The following DCBLD2 variants were observed in gnomAD, a reference collection of about 807,000 sequenced individuals.
The protein encoded by DCBLD2 is discoidin, CUB and LCCL domain containing 2.
Under a neutral mutation model 86.8 loss-of-function variants are expected in DCBLD2, and 54 were observed. That is an observed-to-expected ratio of 0.62 (90% CI 0.50 to 0.78). The LOEUF (loss-of-function observed/expected upper bound fraction) is 0.78. Ranked by LOEUF, DCBLD2 falls within the 30% of genes least tolerant of loss-of-function variation. DCBLD2 has a pLI of 0.00. For missense variants in DCBLD2, 908 were observed against 954.2 expected (o/e 0.95, Z 0.64); for synonymous variants, 354 against 341.3 (o/e 1.04, Z -0.41).
chr3:98,811,429 C>T (rs1461930399), intron 11 of DCBLD2, 39 bp downstream of exon 11: 2 of 1,612,744 alleles, frequency 1.2e-6, no homozygotes, highest in Non-Finnish European at 1.7e-6. Flanking sequence ...CACCATAAAT[C>T]CAAGGAATAT....
chr3:98,857,506 A>C (rs941298500), intron 2 of DCBLD2, among the ~76,000 whole-genome samples: 1 of 152,184 alleles, frequency 6.6e-6, no homozygotes, highest in African/African-American at 2.4e-5. Context: ...CCGTTATGAC[A>C]GGGTGCTGAT....
chr3:98,897,418 T>C (rs994725840), intron 1 of DCBLD2, among the ~76,000 whole-genome samples: 3 of 152,142 alleles, frequency 2.0e-5, no homozygotes, highest in African/African-American at 7.2e-5. Flanking sequence ...TGAACAAAAC[T>C]GGATAAGAGC....
At chr3:98,887,227 G>A (rs1456851022) in intron 1 of DCBLD2, among the ~76,000 whole-genome samples, 2 of 151,324 alleles carry the variant, frequency 1.3e-5, no homozygotes, top group African/African-American at 4.8e-5. Context: ...GACTATACTT[G>A]CTCTAAATAA....
At position 98,797,049 on chromosome 3, in the gene DCBLD2, A is replaced by C. The variant is rs1941616827; in HGVS notation, c.*2323T>G. ...ATATAAATGTAGTAAAAAAAAAAAA[A>C]AAAAAAATAGAAAACCTCTACTATA... On this transcript the variant is annotated 3_prime_UTR_variant, in exon 16 of 16. Transcript: ENST00000326840. 6.6e-6 allele frequency: 1 copy of C among 152,056 alleles called. No homozygotes were observed. Among genetic ancestry groups the C allele is most frequent in the Non-Finnish European group, 1.5e-5 (1 of 67,874 alleles). The allele number at this position is 152,056 out of a possible 1,614,324, so 9.4% of individuals were successfully genotyped here.
At chr3:98,857,819 T>C (rs1322033825) in intron 2 of DCBLD2, among the ~76,000 whole-genome samples, 2 of 152,210 alleles carry the variant, frequency 1.3e-5, no homozygotes, top group Non-Finnish European at 2.9e-5. Flanking sequence ...TTGAGCTAGA[T>C]ACAGAGTGCC....
rs185579638 is a variant in DCBLD2, at chr3:98,800,284, T to G, written c.1858+295A>C. ...CTAAGAGGATAAACACTGTAAGGCTTCTTCTGTCTTTCCCGCTCTCCTCTC... is the reference window on the plus strand; with the variant it reads ...CTAAGAGGATAAACACTGTAAGGCTGCTTCTGTCTTTCCCGCTCTCCTCTC... On this transcript the variant is annotated intron_variant, in intron 15 of 15. Transcript: ENST00000326840. Among the ~76,000 whole-genome samples, 19 of 152,312 alleles carry G rather than the reference T, an allele frequency of 1.2e-4. No individual in the cohort carries two copies. In the East Asian group the frequency reaches 3.5e-3, roughly 28 times the overall value.
intron 2 of DCBLD2, among the ~76,000 whole-genome samples, chr3:98,857,803 C>T (rs1942963623): frequency 6.6e-6 from 1 of 152,228 alleles, no homozygotes; most frequent in South Asian, 2.1e-4. Flanking sequence ...GGTGTCTTTA[C>T]AAACCTTGAG....
chr3:98,803,899 T>G (rs1363822945), intron 13 of DCBLD2, among the ~76,000 whole-genome samples: 1 of 152,220 alleles, frequency 6.6e-6, no homozygotes, highest in African/African-American at 2.4e-5. Flanking sequence ...TGAAGCCCAC[T>G]TGATCACAGT....
chr3:98,888,602 A>G (rs972284510), intron 1 of DCBLD2, among the ~76,000 whole-genome samples: 2 of 152,062 alleles, frequency 1.3e-5, no homozygotes, highest in Non-Finnish European at 2.9e-5. Flanking sequence ...AATGTGCTCA[A>G]TAAATATTTG....
Position 98,799,509 on chromosome 3 carries a change from G to T in DCBLD2, c.2191C>A (p.Gln731Lys). The change falls in exon 16 of 16, where the codon CAG becomes AAG. Residue 731 changes from glutamine to lysine, a missense_variant. Physicochemically the swap from Gln to Lys is moderately conservative, Grantham distance 53 (BLOSUM62 1). Around this residue, in one of 3 missense-constraint regions of DCBLD2, gnomAD observed 606 missense variants for 678.5 expected, o/e 0.89. Coordinates refer to ENST00000326840, the MANE Select transcript of DCBLD2 (RefSeq NM_080927.4). ...RTDSCSSAQAQYDTPKAGKPG... is the reference protein window; with the variant it reads ...RTDSCSSAQAKYDTPKAGKPG... ...TTCCCAGCTTTCGGGGTATCATACT[G>T]GGCCTGGGCTGAGGAGCAGCTGTCA... 1 of 1,613,954 alleles carries T rather than the reference G, an allele frequency of 6.2e-7. No homozygotes were observed. The highest frequency in any genetic ancestry group is 1.7e-5 in the Admixed American group (1 of 60,010).
intron 13 of DCBLD2, 68 bp from the exon 14 acceptor site, chr3:98,801,717 C>A: frequency 8.5e-7 from 1 of 1,181,602 alleles, no homozygotes; most frequent in Non-Finnish European, 1.2e-6. Flanking sequence ...CCCCCTACCC[C>A]ATGACAGGCC....
chr3:98,845,469 T>C (rs1942704860), intron 3 of DCBLD2, among the ~76,000 whole-genome samples: 2 of 152,214 alleles, frequency 1.3e-5, no homozygotes, highest in South Asian at 4.1e-4. Context: ...GGCATAATTC[T>C]AGTTACATTT....
At chr3:98,844,061 C>CACACACACACACA (rs1238683673) in intron 3 of DCBLD2, among the ~76,000 whole-genome samples, 1 of 151,176 alleles carries the variant, frequency 6.6e-6, no homozygotes, top group Non-Finnish European at 1.5e-5. Flanking sequence ...CACACACACA[C>CACACACACACACA]ACCCCAATTA....
At position 98,873,699 on chromosome 3, in the gene DCBLD2, A is replaced by T. The variant is rs374747458; in HGVS notation, c.433+7841T>A. ...GAAAAAGTGAATTAAATGCCTAGCT[A>T]AAACTAGCAGTTAACAAAGTAAAAA... On this transcript the variant is annotated intron_variant, in intron 2 of 15. Coordinates refer to ENST00000326840, the MANE Select transcript of DCBLD2 (RefSeq NM_080927.4). Among the ~76,000 whole-genome samples, 59 of 152,134 alleles carry T rather than the reference A, an allele frequency of 3.9e-4. No individual in the cohort carries two copies. The Middle Eastern group carries it at 0.021, about 53-fold the overall frequency.
intron 1 of DCBLD2, among the ~76,000 whole-genome samples, chr3:98,896,578 A>C (rs1362164491): frequency 6.6e-6 from 1 of 152,234 alleles, no homozygotes; most frequent in Admixed American, 6.5e-5. Flanking sequence ...AAGATTATGC[A>C]GGTATGTGAA....
chr3:98,867,808 T>G (rs9682891), intron 2 of DCBLD2, among the ~76,000 whole-genome samples: 1 of 118,206 alleles, frequency 8.5e-6, no homozygotes, highest in Non-Finnish European at 1.9e-5. Context: ...TTGTTTTTTG[T>G]TTTTTTTTTT....
intron 2 of DCBLD2, among the ~76,000 whole-genome samples, chr3:98,878,428 G>A (rs754286155): frequency 6.6e-6 from 1 of 152,062 alleles, no homozygotes; most frequent in Non-Finnish European, 1.5e-5. Flanking sequence ...GAAACACAGA[G>A]AGACCAATGA....
In DCBLD2 at chr3:98,901,380, G is replaced by C; in HGVS notation, c.-54C>G. 1 of 1,265,416 alleles carries C rather than the reference G, an allele frequency of 7.9e-7. No homozygotes were observed. The highest frequency in any genetic ancestry group is 9.9e-7 in the Non-Finnish European group (1 of 1,011,326). The allele number at this position is 1,265,416 out of a possible 1,614,324, so 78.4% of individuals were successfully genotyped here. A position where few individuals can be genotyped will look rare whatever the true frequency, so the allele number is the denominator to read the frequency against. On this transcript the variant is annotated 5_prime_UTR_variant, in exon 1 of 16. Coordinates refer to ENST00000326840, the MANE Select transcript of DCBLD2 (RefSeq NM_080927.4). ...TGCGGGTGCCTCGGCAGCCCCGCGC[G>C]CCTCTGGCCGCGGCACCCGACCAGG...
intron 2 of DCBLD2, among the ~76,000 whole-genome samples, chr3:98,876,981 A>G (rs940392820): frequency 2.0e-5 from 3 of 152,254 alleles, no homozygotes. Flanking sequence ...TGTCATTTGT[A>G]TAAAGAAGTA....
Sources: allele counts gnomAD v4.1 joint callset (sites outside exome capture counted in the v4.1 genomes callset), GRCh38; gene constraint gnomAD v4.1.1; regional missense constraint gnomAD v4.1.1; transcripts MANE v1.5; gene names NCBI Gene and HGNC (gene_info 2026-07-23, HGNC 2026-07-21).